DSCAM: variants seen among roughly 807,000 people sequenced by gnomAD.
DSCAM encodes DS cell adhesion molecule, also known as cell adhesion molecule DSCAM.
A neutral mutation model predicts 217.7 loss-of-function variants in DSCAM; 47 were observed. The observed-to-expected ratio is 0.22, with a 90% CI of 0.17 to 0.28. DSCAM has a LOEUF of 0.28. Among genes scored for constraint, DSCAM ranks in the 10% least tolerant of loss-of-function variants. The pLI is 1.00. For synonymous variants in DSCAM, 1,056 were observed against 1,015.3 expected (o/e 1.04, Z -0.76); for missense variants, 2,080 against 2,618.3 (o/e 0.79, Z 4.49).
At chr21:40,623,060 C>T (rs2089544383) in intron 3 of DSCAM, among the ~76,000 whole-genome samples, 2 of 152,060 alleles carry the variant, frequency 1.3e-5, no homozygotes, top group Non-Finnish European at 2.9e-5. Flanking sequence ...CAAATTGAGC[C>T]AATTAAATAA....
intron 32 of DSCAM, among the ~76,000 whole-genome samples, chr21:40,017,995 G>T (rs1157059973): frequency 6.6e-6 from 1 of 151,052 alleles, no homozygotes; most frequent in South Asian, 2.1e-4. Context: ...GAGGGTTCAG[G>T]AATCTCTTGC....
chr21:40,318,939 TGGGAAGGACA>T (rs1286575965), intron 8 of DSCAM, among the ~76,000 whole-genome samples: 1 of 151,916 alleles, frequency 6.6e-6, no homozygotes, highest in Non-Finnish European at 1.5e-5. Context: ...GCCTTCTGGG[TGGGAAGGACA>T]GGGAAGGACA....
At chr21:40,067,778 C>T (rs979208014) in intron 27 of DSCAM, among the ~76,000 whole-genome samples, 2 of 113,454 alleles carry the variant, frequency 1.8e-5, no homozygotes, top group Non-Finnish European at 3.4e-5. Context: ...CCCTCCCTTC[C>T]TTCCTTCCTT....
chr21:40,311,933 ATTTTTTTTTTT>A (rs34579385), intron 9 of DSCAM, 137 bp downstream of exon 9: 7 of 202,472 alleles, frequency 3.5e-5, no homozygotes, highest in East Asian at 1.1e-4. Context: ...TTAGAGTCGT[ATTTTTTTTTTT>A]TTTTTTTTTT....
intron 3 of DSCAM, among the ~76,000 whole-genome samples, chr21:40,679,631 C>T (rs1379101635): frequency 1.3e-5 from 2 of 152,226 alleles, no homozygotes; most frequent in Non-Finnish European, 2.9e-5. Context: ...ACTGCAAATA[C>T]ATACTCTGAT....
At chr21:40,807,526 TG>T (rs1393859710) in intron 1 of DSCAM, among the ~76,000 whole-genome samples, 1 of 152,214 alleles carries the variant, frequency 6.6e-6, no homozygotes, top group Non-Finnish European at 1.5e-5. Flanking sequence ...AAAGCTTCTA[TG>T]CACTCCCTAG....
At chr21:40,330,123 A>C (rs2074360580) in intron 8 of DSCAM, among the ~76,000 whole-genome samples, 1 of 151,700 alleles carries the variant, frequency 6.6e-6, no homozygotes, top group South Asian at 2.1e-4. Flanking sequence ...TATACTATAC[A>C]CAGGAAATAC....
chr21:40,310,766 G>A (rs1034769794), intron 9 of DSCAM, among the ~76,000 whole-genome samples: 3 of 152,100 alleles, frequency 2.0e-5, no homozygotes, highest in Non-Finnish European at 4.4e-5. Context: ...ATAAGAAAAC[G>A]CTTGGGAAAC....
At chr21:40,277,445 C>G (rs891554227) in intron 10 of DSCAM, among the ~76,000 whole-genome samples, 1 of 152,038 alleles carries the variant, frequency 6.6e-6, no homozygotes, top group African/African-American at 2.4e-5. Flanking sequence ...TGTGGCTGTG[C>G]CTTCCTTTCC....
intron 30 of DSCAM, among the ~76,000 whole-genome samples, chr21:40,048,431 G>A (rs1186558901): frequency 2.6e-5 from 4 of 152,182 alleles, no homozygotes; most frequent in East Asian, 3.9e-4. Flanking sequence ...AGGAAAGACA[G>A]AGAAGTAATC....
intron 18 of DSCAM, among the ~76,000 whole-genome samples, chr21:40,140,957 C>G (rs1359909840): frequency 1.3e-5 from 2 of 152,070 alleles, no homozygotes; most frequent in African/African-American, 2.4e-5. Flanking sequence ...TTCTAGATTG[C>G]CTCCCATGGC....
chr21:40,063,336 G>A (rs11701196), intron 27 of DSCAM, among the ~76,000 whole-genome samples: 6,458 of 152,044 alleles, frequency 0.042, 196 homozygotes, highest in Non-Finnish European at 0.066. Flanking sequence ...CCAAAGAATC[G>A]TATAAATGAA....
intron 1 of DSCAM, among the ~76,000 whole-genome samples, chr21:40,775,043 G>A (rs2091476606): frequency 6.6e-6 from 1 of 151,374 alleles, no homozygotes; most frequent in Non-Finnish European, 1.5e-5. Flanking sequence ...CCCCTTGTTG[G>A]GTTTGTATCA....
In DSCAM at chr21:40,282,104, T is replaced by C. The variant is rs1019933532; in HGVS notation, c.2183-5834A>G. Among the ~76,000 whole-genome samples the C allele has an allele frequency of 3.3e-5, 5 of 152,158 alleles. No individual in the cohort carries two copies. In the East Asian group the frequency reaches 5.8e-4, roughly 18 times the overall value. On this transcript the variant is annotated intron_variant, in intron 10 of 32. Transcript: ENST00000400454. Reference sequence around the variant, plus strand: ...CATTAGTGTGAGGATAATAGATTTATTGGAAGTTAAAATTAAGGAAAAAGC... The same window carrying C: ...CATTAGTGTGAGGATAATAGATTTACTGGAAGTTAAAATTAAGGAAAAAGC...
At chr21:40,700,558 C>A (rs2090644666) in intron 2 of DSCAM, among the ~76,000 whole-genome samples, 1 of 151,964 alleles carries the variant, frequency 6.6e-6, no homozygotes, top group Non-Finnish European at 1.5e-5. Context: ...TTGTTGGATT[C>A]AATTTGTTAA....
intron 24 of DSCAM, 69 bp downstream of exon 24, chr21:40,083,839 G>T (rs1371968654): frequency 3.1e-6 from 4 of 1,270,308 alleles, no homozygotes; most frequent in Non-Finnish European, 4.4e-6. Flanking sequence ...ATTTGCTGAA[G>T]ATGTGTCACT....
chr21:40,183,111 A>G (rs1316313895), intron 14 of DSCAM, among the ~76,000 whole-genome samples: 1 of 68,328 alleles, frequency 1.5e-5, no homozygotes, highest in African/African-American at 8.0e-5. Context: ...GGGTTACCAG[A>G]GAAACCGTGG....
chr21:40,349,064 G>T (rs1014030916), intron 5 of DSCAM, among the ~76,000 whole-genome samples: 3 of 143,716 alleles, frequency 2.1e-5, no homozygotes, highest in African/African-American at 7.9e-5. Context: ...GTGAACCTGG[G>T]AAGAGGAGCT....
intron 10 of DSCAM, among the ~76,000 whole-genome samples, chr21:40,291,987 A>G (rs562792588): frequency 2.7e-4 from 41 of 152,290 alleles, no homozygotes; most frequent in African/African-American, 9.4e-4. Context: ...TAAGTGACAT[A>G]CATGCAAGAG....
Sources: allele counts gnomAD v4.1 joint callset (sites outside exome capture counted in the v4.1 genomes callset), GRCh38; gene constraint gnomAD v4.1.1; transcripts MANE v1.5; gene names NCBI Gene and HGNC (gene_info 2026-07-23, HGNC 2026-07-21).